FARS2: variants seen among roughly 807,000 people sequenced by gnomAD.
FARS2 encodes phenylalanyl-tRNA synthetase 2, mitochondrial.
A neutral mutation model predicts 46.4 loss-of-function variants in FARS2; 40 were observed. The ratio of observed to expected loss-of-function variants is 0.86; its 90% CI spans 0.67 to 1.12. The LOEUF (loss-of-function observed/expected upper bound fraction) is 1.12. Among genes scored for constraint, FARS2 ranks in the 50% most tolerant of loss-of-function variants. The pLI, the probability that FARS2 is intolerant of heterozygous loss-of-function variation, is 0.00. For synonymous variants in FARS2, 234 were observed against 214.9 expected, an observed-to-expected ratio of 1.09 and a Z score of -0.78; for missense variants, 513 against 567.9, an observed-to-expected ratio of 0.90 and a Z score of 0.98.
chr6:5,548,830 A>G (rs1380378412), intron 5 of FARS2, among the ~76,000 whole-genome samples: 1 of 152,170 alleles, frequency 6.6e-6, no homozygotes, highest in Admixed American at 6.5e-5. Flanking sequence ...CTAATATATA[A>G]TTTTTATAGT....
intron 6 of FARS2, among the ~76,000 whole-genome samples, chr6:5,659,029 C>T (rs929846038): frequency 6.6e-6 from 1 of 152,168 alleles, no homozygotes; most frequent in African/African-American, 2.4e-5. Flanking sequence ...CCAGTGCCCG[C>T]GTTGGACTAC....
chr6:5,678,558 C>G (rs925464412), intron 6 of FARS2, among the ~76,000 whole-genome samples: 7 of 152,182 alleles, frequency 4.6e-5, no homozygotes, highest in African/African-American at 1.7e-4. Context: ...TGCAGATAGC[C>G]TCTTACTTTA....
At chr6:5,261,028 A>T (rs1171934506), upstream of FARS2, 2 of 964,020 alleles carry the variant, frequency 2.1e-6, no homozygotes, top group Non-Finnish European at 1.3e-6. Flanking sequence ...GAGGCTCGGG[A>T]CCCAGCAGCC....
chr6:5,643,372 A>G (rs1379452869), intron 6 of FARS2, among the ~76,000 whole-genome samples: 2 of 152,182 alleles, frequency 1.3e-5, no homozygotes, highest in African/African-American at 2.4e-5. Flanking sequence ...TAGAAACAAG[A>G]TGTGGGCTCA....
chr6:5,579,904 A>G (rs867102296), intron 5 of FARS2, among the ~76,000 whole-genome samples: 1 of 152,092 alleles, frequency 6.6e-6, no homozygotes, highest in Admixed American at 6.6e-5. Context: ...TCAGTTACTC[A>G]TTCTATCCTG....
At chr6:5,603,530 A>AT (rs2150642481) in intron 5 of FARS2, among the ~76,000 whole-genome samples, 1 of 152,352 alleles carries the variant, frequency 6.6e-6, no homozygotes. Context: ...CTTAAGACCA[A>AT]GGTGTTGGCA....
chr6:5,406,192 C>G (rs1761582255), intron 3 of FARS2, among the ~76,000 whole-genome samples: 1 of 152,124 alleles, frequency 6.6e-6, no homozygotes, highest in Non-Finnish European at 1.5e-5. Flanking sequence ...CTCTCTTATT[C>G]TTGTGAGCTT....
intron 6 of FARS2, among the ~76,000 whole-genome samples, chr6:5,616,403 G>T (rs1775482678): frequency 6.6e-6 from 1 of 152,160 alleles, no homozygotes; most frequent in Non-Finnish European, 1.5e-5. Context: ...TATGCCAAAG[G>T]CATGTGACTT....
chr6:5,502,831 A>G (rs1209420465), intron 4 of FARS2, among the ~76,000 whole-genome samples: 1 of 152,204 alleles, frequency 6.6e-6, no homozygotes, highest in East Asian at 1.9e-4. Context: ...CAGTTAAGTG[A>G]TCCTGCCAAT....
intron 6 of FARS2, among the ~76,000 whole-genome samples, chr6:5,691,572 G>A (rs1446466155): frequency 7.2e-5 from 11 of 152,116 alleles, no homozygotes; most frequent in African/African-American, 1.9e-4. Flanking sequence ...AGGAGTACCC[G>A]GCCGTGTGAG....
intron 4 of FARS2, among the ~76,000 whole-genome samples, chr6:5,493,513 A>G (rs1767262251): frequency 6.6e-6 from 1 of 152,162 alleles, no homozygotes; most frequent in Non-Finnish European, 1.5e-5. Context: ...AGAGGAATGG[A>G]AAGTCAAAGT....
intron 6 of FARS2, among the ~76,000 whole-genome samples, chr6:5,718,040 G>A (rs962964335): frequency 3.3e-5 from 5 of 151,782 alleles, no homozygotes. Context: ...TCAGCCTCCT[G>A]AGTAATGGGA....
At chr6:5,331,329 T>C in intron 1 of FARS2, among the ~76,000 whole-genome samples, 1 of 152,168 alleles carries the variant, frequency 6.6e-6, no homozygotes, top group Non-Finnish European at 1.5e-5. Flanking sequence ...TGTGTTTAGA[T>C]CTTCATAATG....
In FARS2 at chr6:5,332,257, A is replaced by C. The variant is rs375249468; in HGVS notation, c.-21-36293A>C. 3.7e-4 allele frequency among the ~76,000 whole-genome samples: 57 copies of C among 152,328 alleles called. No individual in the cohort carries two copies. In the South Asian group the frequency reaches 9.3e-3, roughly 25 times the overall value. On this transcript the variant is annotated intron_variant, in intron 1 of 6. Transcript: ENST00000274680. ...TTGTATGCTGGAAATATAAAGAAGAATGAAGCCACGCACTTTGCAGGGGCA... is the reference window on the plus strand; with the variant it reads ...TTGTATGCTGGAAATATAAAGAAGACTGAAGCCACGCACTTTGCAGGGGCA...
At chr6:5,640,294 G>C (rs1776752242) in intron 6 of FARS2, among the ~76,000 whole-genome samples, 1 of 152,194 alleles carries the variant, frequency 6.6e-6, no homozygotes, top group Admixed American at 6.5e-5. Context: ...AAGGCTCAGA[G>C]CGTCTGACTT....
intron 2 of FARS2, among the ~76,000 whole-genome samples, chr6:5,385,227 A>G (rs961052664): frequency 6.6e-6 from 1 of 152,170 alleles, no homozygotes; most frequent in Non-Finnish European, 1.5e-5. Flanking sequence ...TAGCAGCTGA[A>G]ATCCACTTGG....
chr6:5,401,100 AT>A lies in FARS2; in HGVS notation c.613-3435del, dbSNP rs568829960. Reference sequence around the variant, plus strand: ...TGAGTCATGCTTTGTGGCCAGATTTATTTTTTTAAGAGGTGAATTAAGCCTG... The same window carrying A: ...TGAGTCATGCTTTGTGGCCAGATTTATTTTTTAAGAGGTGAATTAAGCCTG... On this transcript the variant is annotated intron_variant, in intron 2 of 6. Transcript: ENST00000274680. 6.5e-4 allele frequency among the ~76,000 whole-genome samples: 99 copies of A among 151,866 alleles called. No individual in the cohort carries two copies. The Middle Eastern group carries it at 0.014, about 21-fold the overall frequency.
intron 6 of FARS2, among the ~76,000 whole-genome samples, chr6:5,717,925 T>G (rs1473954600): frequency 0.014 from 657 of 45,542 alleles, 17 homozygotes; most frequent in African/African-American, 0.044. Flanking sequence ...TATATATATA[T>G]ATATATATAT....
chr6:5,389,333 C>T (rs1760339361), intron 2 of FARS2, among the ~76,000 whole-genome samples: 1 of 152,184 alleles, frequency 6.6e-6, no homozygotes, highest in Non-Finnish European at 1.5e-5. Context: ...CATCTTCTCT[C>T]TTGTGTCCTG....
Sources: allele counts gnomAD v4.1 joint callset (sites outside exome capture counted in the v4.1 genomes callset), GRCh38; gene constraint gnomAD v4.1.1; transcripts MANE v1.5; gene names NCBI Gene and HGNC (gene_info 2026-07-23, HGNC 2026-07-21).